DHX37: variants seen among roughly 807,000 people sequenced by gnomAD.
DHX37 encodes DEAH-box helicase 37.
A neutral mutation model predicts 134.3 loss-of-function variants in DHX37; 52 were observed. That is an observed-to-expected ratio of 0.39 (90% CI 0.31 to 0.49). The LOEUF is 0.49. Among genes scored for constraint, DHX37 ranks in the 20% least tolerant of loss-of-function variants. The pLI is 0.93. For missense variants in DHX37, 1,344 were observed against 1,580.8 expected (o/e 0.85, Z 2.54); for synonymous variants, 634 against 670.7 (o/e 0.95, Z 0.85).
intron 2 of DHX37, among the ~76,000 whole-genome samples, chr12:124,984,479 G>A (rs192474806): frequency 5.7e-4 from 87 of 152,128 alleles, no homozygotes; most frequent in African/African-American, 1.9e-3. Context: ...GTTGCGGTGC[G>A]CCGAGATCAT....
At chr12:124,972,030 T>G (rs987411869) in intron 7 of DHX37, among the ~76,000 whole-genome samples, 4 of 152,170 alleles carry the variant, frequency 2.6e-5, no homozygotes, top group Non-Finnish European at 5.9e-5. Context: ...CCCCTCCCCT[T>G]TCCCTCAGCC....
Position 124,949,406 on chromosome 12 carries a change from AG to A in DHX37, c.3290+579del, listed in dbSNP as rs1308469087. Among the ~76,000 whole-genome samples the A allele has an allele frequency of 6.6e-6, 1 of 152,158 alleles. No homozygotes were observed. Among genetic ancestry groups the A allele is most frequent in the Non-Finnish European group, 1.5e-5 (1 of 68,018 alleles). On this transcript the variant is annotated intron_variant, in intron 25 of 26. Coordinates refer to ENST00000308736, the MANE Select transcript of DHX37 (RefSeq NM_032656.4). The surrounding 1 kb of genome is among the most constrained non-coding windows in gnomAD (Gnocchi z 4.0). ...CCACAGGCAGGAGGAGAGCAGAAGC[AG>A]GAGGCAGAGGGCAAGGGTGAGCCCT...
At chr12:124,983,096 T>G (rs1345477400) in intron 2 of DHX37, among the ~76,000 whole-genome samples, 1 of 152,136 alleles carries the variant, frequency 6.6e-6, no homozygotes, top group African/African-American at 2.4e-5. Flanking sequence ...TTCTTGTAAC[T>G]GTACATATAG....
At chr12:124,966,952 C>T in intron 11 of DHX37, 74 bp from the exon 12 acceptor site, 1 of 1,590,530 alleles carries the variant, frequency 6.3e-7, no homozygotes, top group Non-Finnish European at 8.6e-7. Context: ...CTTTGTTGTT[C>T]AAGGCATGGC....
intron 15 of DHX37, among the ~76,000 whole-genome samples, chr12:124,963,690 A>G (rs1218588852): frequency 6.7e-6 from 1 of 149,628 alleles, no homozygotes; most frequent in Non-Finnish European, 1.5e-5. Flanking sequence ...TAACACGGTG[A>G]AAACCCATCT....
In DHX37 at chr12:124,972,607, G is replaced by C; in HGVS notation, c.981-8C>G. On this transcript the variant is annotated splice_region_variant and splice_polypyrimidine_tract_variant and intron_variant, in intron 6 of 26. Transcript: ENST00000308736. ...ATCTGGTAGGAGACGACCCTGTATG[G>C]GCAGAGTTCGGGTTAGGGCAGAGCC... 6.2e-7 allele frequency: 1 copy of C among 1,614,002 alleles called. No individual in the cohort carries two copies. The highest frequency in any genetic ancestry group is 8.5e-7 in the Non-Finnish European group (1 of 1,179,892).
In DHX37 at chr12:124,953,710, A is replaced by C. The variant is rs1247130993; in HGVS notation, c.2695+170T>G. The C allele has an allele frequency of 2.5e-6, 3 of 1,206,888 alleles. No homozygotes were observed. The East Asian group carries it at 7.9e-5, about 32-fold the overall frequency. 74.8% of individuals were successfully genotyped at this position (1,206,888 alleles called of 1,614,324 possible). ...CTGTTAGTGCCCTGCTCATGTGCAC[A>C]TTCCCTTGTTCCTGGAAAAGCTCCC... On this transcript the variant is annotated intron_variant, in intron 20 of 26. Coordinates refer to ENST00000308736, the MANE Select transcript of DHX37 (RefSeq NM_032656.4).
At chr12:124,965,513 T>C (rs554021160) in intron 13 of DHX37, among the ~76,000 whole-genome samples, 155 bp downstream of exon 13, 10 of 152,318 alleles carry the variant, frequency 6.6e-5, no homozygotes, top group Admixed American at 6.5e-4. Context: ...TGGCAAATGT[T>C]TGAGGCCTCC....
chr12:124,975,831 T>C (rs7307461), intron 5 of DHX37, among the ~76,000 whole-genome samples: 98,083 of 151,998 alleles, frequency 0.65, 31,833 homozygotes, highest in East Asian at 0.75. Context: ...GCCAAGCCGA[T>C]GGGTGGCTGG....
Position 124,957,747 on chromosome 12 carries a change from A to T in DHX37, c.2158-612T>A, listed in dbSNP as rs145020272. Among the ~76,000 whole-genome samples, 1,345 of 152,256 alleles carry T rather than the reference A, an allele frequency of 8.8e-3. 15 individuals carry two copies. Among genetic ancestry groups the T allele is most frequent in the African/African-American group, 0.031 (1,285 of 41,540 alleles). ...GGTTTCAGTGAGCCGAGATCACACC[A>T]CTGTACTCCAGCCTGGGTGACAGAG... On this transcript the variant is annotated intron_variant, in intron 16 of 26. Transcript: ENST00000308736.
rs756909943 is a variant in DHX37 at position 124,986,261 on chromosome 12, C to T, written c.111G>A (p.Lys37=). The change falls in exon 2 of 27, where the codon AAG becomes AAA. Residue 37 remains lysine, a synonymous_variant. Transcript: ENST00000308736. ...PPPVQLELED[K]DTLKGVDASN... ...TTGCATCAACTCCCTTCAACGTGTC[C>T]TTGTCTGAGAGAGCACAGTTATTAA... The T allele has an allele frequency of 2.5e-6, 4 of 1,613,510 alleles. No individual in the cohort carries two copies. The highest frequency in any genetic ancestry group is 3.4e-6 in the Non-Finnish European group (4 of 1,179,920).
intron 20 of DHX37, chr12:124,953,612 G>T: frequency 2.1e-6 from 1 of 487,028 alleles, no homozygotes; most frequent in Non-Finnish European, 3.7e-6. Flanking sequence ...GAAAATGGCA[G>T]GGGGTATCGC....
At position 124,949,788 on chromosome 12, in the gene DHX37, G is replaced by A. The variant is rs1480559106; in HGVS notation, c.3290+198C>T. 5.9e-5 allele frequency among the ~76,000 whole-genome samples: 9 copies of A among 152,142 alleles called. No individual in the cohort carries two copies. The highest frequency in any genetic ancestry group is 1.2e-4 in the Non-Finnish European group (8 of 68,014). On this transcript the variant is annotated intron_variant, in intron 25 of 26. Transcript: ENST00000308736. The surrounding 1 kb of genome is among the most constrained non-coding windows in gnomAD (Gnocchi z 4.0). ...TGGAGTGATGTGGCCACAAGCCCAG[G>A]AGGCCGACAGAGGCAAGACGGACCC...
chr12:124,948,406 C>T, intron 25 of DHX37: 1 of 714,794 alleles, frequency 1.4e-6, no homozygotes, highest in Non-Finnish European at 2.2e-6. Context: ...ACCATGACTG[C>T]ACCACTGCAC....
At chr12:124,988,145 C>G (rs1451100951) in intron 1 of DHX37, among the ~76,000 whole-genome samples, 2 of 151,992 alleles carry the variant, frequency 1.3e-5, no homozygotes, top group Admixed American at 6.6e-5. Flanking sequence ...AGGTGCCCAC[C>G]ACCACGCCTC....
intron 16 of DHX37, among the ~76,000 whole-genome samples, chr12:124,959,070 T>C (rs1364920818): frequency 1.3e-4 from 17 of 126,866 alleles, no homozygotes. Flanking sequence ...TCACCACACC[T>C]GGCTTTTTTT....
intron 20 of DHX37, 33 bp downstream of exon 20, chr12:124,953,847 C>A (rs201366221): frequency 6.2e-7 from 1 of 1,602,496 alleles, no homozygotes; most frequent in Non-Finnish European, 8.5e-7. Context: ...GGTTGCCCGC[C>A]GGGTGCAGCG....
intron 5 of DHX37, among the ~76,000 whole-genome samples, chr12:124,975,736 G>A (rs1202443980): frequency 5.9e-5 from 9 of 152,200 alleles, no homozygotes; most frequent in Non-Finnish European, 8.8e-5. Context: ...CCAGGCAGCC[G>A]CTAGAAGGAA....
At position 124,987,253 on chromosome 12, in the gene DHX37, GA is replaced by G. The variant is rs552530859; in HGVS notation, c.107-989del. 1.6e-3 allele frequency among the ~76,000 whole-genome samples: 245 copies of G among 152,310 alleles called. 4 individuals carry two copies. The highest frequency in any genetic ancestry group is 0.015 in the Admixed American group (222 of 15,302). ...AGCTACACAGGAGGCTGAGGCACGA[GA>G]ACTGCTTGAACCCGGGAGGTGGAGG... On this transcript the variant is annotated intron_variant, in intron 1 of 26. Coordinates refer to ENST00000308736, the MANE Select transcript of DHX37 (RefSeq NM_032656.4).
Sources: gnomAD v4.1 joint callset for allele counts (sites outside exome capture counted in the v4.1 genomes callset) on GRCh38, gnomAD v4.1.1 for gene constraint, Gnocchi (gnomAD v3.1) non-coding constraint, MANE v1.5 for transcripts, NCBI Gene and HGNC (gene_info 2026-07-23, HGNC 2026-07-21) for gene names.